The following ACTR3C variants were observed in gnomAD, a reference collection of about 807,000 sequenced individuals.
The protein encoded by ACTR3C is actin-related protein 3C.
ACTR3C carries 18 observed loss-of-function variants against 26.3 expected under a neutral mutation model. The observed-to-expected ratio is 0.68, with a 90% CI of 0.47 to 1.01. The LOEUF (loss-of-function observed/expected upper bound fraction) is 1.01. ACTR3C is among the 50% of genes least tolerant of loss of function. ACTR3C has a pLI of 0.00. For missense variants in ACTR3C, 184 were observed against 250.7 expected (o/e 0.73, Z 1.80); for synonymous variants, 55 against 94.5 (o/e 0.58, Z 2.42).
At chr7:150,163,224 T>C in the ACTR3C span, among the ~76,000 whole-genome samples, 1 of 151,924 alleles carries the variant, frequency 6.6e-6, no homozygotes, top group African/African-American at 2.4e-5. Flanking sequence ...GAGGACCTCC[T>C]TGAAAAGTTA....
the ACTR3C span, among the ~76,000 whole-genome samples, chr7:150,107,161 T>G: frequency 6.9e-6 from 1 of 145,910 alleles, no homozygotes; most frequent in African/African-American, 2.6e-5. Context: ...AGCTGTGGTT[T>G]GTTGTCATTT....
At chr7:150,318,698 A>T (rs553000138) in intron 1 of ACTR3C, among the ~76,000 whole-genome samples, 12 of 152,296 alleles carry the variant, frequency 7.9e-5, no homozygotes, top group Non-Finnish European at 4.4e-5. Flanking sequence ...AAGAGCCGAG[A>T]TCGCACCACT....
At chr7:150,164,889 T>A in the ACTR3C span, among the ~76,000 whole-genome samples, 3 of 152,262 alleles carry the variant, frequency 2.0e-5, no homozygotes, top group East Asian at 5.8e-4. Flanking sequence ...TAGGGAGAAT[T>A]CCCCACCAGT....
chr7:150,300,457 G>T (rs1488443965), intron 1 of ACTR3C, among the ~76,000 whole-genome samples: 1 of 152,136 alleles, frequency 6.6e-6, no homozygotes, highest in Non-Finnish European at 1.5e-5. Context: ...GGCTAAGAAC[G>T]GGTAAGGGCG....
chr7:150,036,625 C>T, the ACTR3C span, among the ~76,000 whole-genome samples: 222 of 142,664 alleles, frequency 1.6e-3, 1 homozygote, highest in African/African-American at 5.2e-3. Flanking sequence ...GTCTACGAAA[C>T]CCCACAGCTC....
chr7:150,168,140 C>A, the ACTR3C span, among the ~76,000 whole-genome samples: 1 of 150,680 alleles, frequency 6.6e-6, no homozygotes, highest in Non-Finnish European at 1.5e-5. Flanking sequence ...GTCCTTGACC[C>A]CCAGTACCAG....
chr7:150,153,476 T>C, the ACTR3C span, among the ~76,000 whole-genome samples: 1 of 140,848 alleles, frequency 7.1e-6, no homozygotes, highest in Non-Finnish European at 1.5e-5. Flanking sequence ...GAAAAAATGC[T>C]CACCATCACT....
the ACTR3C span, among the ~76,000 whole-genome samples, chr7:150,091,974 C>T: frequency 1.4e-4 from 11 of 79,588 alleles, no homozygotes; most frequent in Admixed American, 9.4e-4. Context: ...GGCGACAGAG[C>T]GAGACTCCGT....
the ACTR3C span, among the ~76,000 whole-genome samples, chr7:149,965,154 T>C: frequency 6.7e-6 from 1 of 149,860 alleles, no homozygotes; most frequent in African/African-American, 2.5e-5. Context: ...GTTTATTCTT[T>C]TCTCCTTGAG....
chr7:150,237,125 G>A, the ACTR3C span, among the ~76,000 whole-genome samples: 1 of 151,994 alleles, frequency 6.6e-6, no homozygotes, highest in African/African-American at 2.4e-5. Context: ...TCTGTCTTTG[G>A]AAGATTATTC....
the ACTR3C span, among the ~76,000 whole-genome samples, chr7:150,082,452 C>A: frequency 6.6e-6 from 1 of 152,160 alleles, no homozygotes; most frequent in Non-Finnish European, 1.5e-5. Flanking sequence ...TGTTCATGAT[C>A]AGTGCCAAAG....
chr7:149,942,211 C>T, the ACTR3C span, among the ~76,000 whole-genome samples: 1 of 152,166 alleles, frequency 6.6e-6, no homozygotes, highest in Non-Finnish European at 1.5e-5. Flanking sequence ...ATTCTATGGC[C>T]ATTTCTTAGG....
At chr7:150,024,251 A>G in the ACTR3C span, among the ~76,000 whole-genome samples, 3 of 151,904 alleles carry the variant, frequency 2.0e-5, no homozygotes, top group Admixed American at 2.0e-4. Flanking sequence ...AGGTGCAGCT[A>G]CTCCAGGGTC....
At chr7:149,906,191 C>T in the ACTR3C span, among the ~76,000 whole-genome samples, 6 of 151,846 alleles carry the variant, frequency 4.0e-5, no homozygotes, top group South Asian at 2.1e-4. Context: ...ACTCACAAAA[C>T]GATGTATCTT....
chr7:150,136,669 CATAAATAAATAA>C, the ACTR3C span, among the ~76,000 whole-genome samples: 32 of 148,374 alleles, frequency 2.2e-4, no homozygotes, highest in Admixed American at 1.3e-3. Flanking sequence ...GACTCCATCT[CATAAATAAATAA>C]ATAAATAAAT....
Position 150,280,824 on chromosome 7 carries a change from A to G in ACTR3C, c.564+3929T>C, listed in dbSNP as rs1194382890. Among the ~76,000 whole-genome samples, 232 of 138,624 alleles carry G rather than the reference A, an allele frequency of 1.7e-3. 1 individual carries two copies. The highest frequency in any genetic ancestry group is 6.1e-3 in the African/African-American group (211 of 34,546). The allele number at this position is 138,624 out of a possible 152,430, so 90.9% of individuals were successfully genotyped here. On this transcript the variant is annotated intron_variant, in intron 6 of 7. Transcript: ENST00000683684. ...TGTGTGTGTGTGTGTGTGTGTATAT[A>G]TATATACACACACACACAATTTTTA...
chr7:150,148,680 C>T, the ACTR3C span, among the ~76,000 whole-genome samples: 1 of 152,046 alleles, frequency 6.6e-6, no homozygotes, highest in African/African-American at 2.4e-5. Context: ...TGGCACCATA[C>T]GATATATCTT....
At chr7:150,223,349 A>G in the ACTR3C span, among the ~76,000 whole-genome samples, 31,139 of 150,574 alleles carry the variant, frequency 0.21, 4,991 homozygotes, top group African/African-American at 0.44. Flanking sequence ...TCTAGTTTTC[A>G]ACTATTTATG....
At chr7:149,926,792 C>T in the ACTR3C span, among the ~76,000 whole-genome samples, 1 of 152,056 alleles carries the variant, frequency 6.6e-6, no homozygotes. Context: ...GACCTTAATA[C>T]ATGAAGAGCT....
Sources: gnomAD v4.1 joint callset for allele counts (sites outside exome capture counted in the v4.1 genomes callset) on GRCh38, gnomAD v4.1.1 for gene constraint, MANE v1.5 for transcripts, NCBI Gene and HGNC (gene_info 2026-07-23, HGNC 2026-07-21) for gene names.